TRMT11: variants seen among roughly 807,000 people sequenced by gnomAD.
TRMT11 encodes tRNA (guanine(10)-N(2))-methyltransferase TRMT11.
A neutral mutation model predicts 62.8 loss-of-function variants in TRMT11; 53 were observed. The ratio of observed to expected loss-of-function variants is 0.84; its 90% CI spans 0.68 to 1.06. TRMT11 has a LOEUF of 1.06. Ranked by LOEUF, TRMT11 falls within the 50% of genes least tolerant of loss-of-function variation. The pLI is 0.00. For missense variants in TRMT11, 556 were observed against 553.4 expected (o/e 1.00, Z -0.05); for synonymous variants, 188 against 190.3 (o/e 0.99, Z 0.10).
intron 17 of TRMT11, among the ~76,000 whole-genome samples, chr6:126,101,694 C>T (rs1379601633): frequency 6.6e-6 from 1 of 152,230 alleles, no homozygotes; most frequent in Non-Finnish European, 1.5e-5. Context: ...AATTTTCAGA[C>T]GTGGACAGCT....
At chr6:126,081,596 G>A (rs373440181) in intron 17 of TRMT11, among the ~76,000 whole-genome samples, 10 of 152,078 alleles carry the variant, frequency 6.6e-5, no homozygotes, top group African/African-American at 2.4e-4. Flanking sequence ...TAAGTTTCTG[G>A]ATCTAACACC....
chr6:126,088,952 G>C (rs1425206714), intron 17 of TRMT11, among the ~76,000 whole-genome samples: 1 of 152,106 alleles, frequency 6.6e-6, no homozygotes, highest in African/African-American at 2.4e-5. Context: ...GCTAATTCAA[G>C]AATGAGAATT....
intron 1 of TRMT11, chr6:126,198,701 G>A (rs1035973764): frequency 6.6e-6 from 1 of 152,208 alleles, no homozygotes; most frequent in East Asian, 1.9e-4. Flanking sequence ...TCCAGCAAAC[G>A]TGAGAATGTC....
At chr6:126,017,332 A>G (rs1259142845) in intron 11 of TRMT11, among the ~76,000 whole-genome samples, 2 of 152,354 alleles carry the variant, frequency 1.3e-5, no homozygotes, top group South Asian at 2.1e-4. Context: ...ATTGAAAAGT[A>G]TAAGACATAA....
the TRMT11 span, among the ~76,000 whole-genome samples, chr6:126,228,380 T>C: frequency 6.6e-6 from 1 of 152,162 alleles, no homozygotes; most frequent in Non-Finnish European, 1.5e-5. Context: ...TTAATAAAAG[T>C]TCCTGAGATG....
chr6:126,196,747 G>A (rs939999957), intron 1 of TRMT11, among the ~76,000 whole-genome samples: 27 of 152,002 alleles, frequency 1.8e-4, no homozygotes, highest in Admixed American at 3.9e-4. Flanking sequence ...GGAAGAAAAG[G>A]AATACCTATT....
At position 126,011,279 on chromosome 6, in the gene TRMT11, T is replaced by C; in HGVS notation, c.787T>C (p.Trp263Arg). ...LGKATRKNQK[W>R]RGPDENIRAN... is the part of the protein sequence containing the mutation. ...AAAGGCTACTAGGAAAAACCAGAAGTGGAGAGGACCAGATGAAAACATTAG... is the reference window on the plus strand; with the variant it reads ...AAAGGCTACTAGGAAAAACCAGAAGCGGAGAGGACCAGATGAAAACATTAG... The change falls in exon 9 of 13, where the codon TGG becomes CGG. Residue 263 changes from tryptophan (W) to arginine (R), a missense_variant. Trp to Arg is a moderately radical substitution (Grantham distance 101, BLOSUM62 -3). Transcript: ENST00000334379. The C allele has an allele frequency of 6.2e-7, 1 of 1,612,778 alleles. No individual in the cohort carries two copies. Among genetic ancestry groups the C allele is most frequent in the Non-Finnish European group, 8.5e-7 (1 of 1,179,362 alleles).
At chr6:126,253,227 A>G in the TRMT11 span, among the ~76,000 whole-genome samples, 1 of 152,200 alleles carries the variant, frequency 6.6e-6, no homozygotes, top group Non-Finnish European at 1.5e-5. Flanking sequence ...TCAGGATCAT[A>G]AATATCACTC....
intron 11 of TRMT11, among the ~76,000 whole-genome samples, chr6:126,018,718 G>T (rs1414615489): frequency 6.6e-6 from 1 of 151,902 alleles, no homozygotes; most frequent in Non-Finnish European, 1.5e-5. Flanking sequence ...AGATAACTTG[G>T]ATTGTAGGGG....
chr6:126,203,919 T>TTGTG (rs71680476), downstream of TRMT11, among the ~76,000 whole-genome samples: 11,253 of 144,410 alleles, frequency 0.078, 530 homozygotes, highest in East Asian at 0.16. Context: ...GATCATCATT[T>TTGTG]TGTGTGTGTG....
At chr6:126,078,553 G>A (rs187644566) in intron 17 of TRMT11, among the ~76,000 whole-genome samples, 7 of 152,100 alleles carry the variant, frequency 4.6e-5, no homozygotes, top group Admixed American at 3.9e-4. Context: ...CTGTTGTAAC[G>A]TCGTCCTTAC....
chr6:126,062,037 G>A (rs1439488485), intron 17 of TRMT11, among the ~76,000 whole-genome samples: 3 of 152,080 alleles, frequency 2.0e-5, no homozygotes, highest in South Asian at 4.1e-4. Context: ...ACGCTGCCAC[G>A]CTTGGCTAAT....
chr6:126,263,937 G>A, the TRMT11 span, among the ~76,000 whole-genome samples: 1 of 152,166 alleles, frequency 6.6e-6, no homozygotes, highest in African/African-American at 2.4e-5. Flanking sequence ...CAAATGAGAG[G>A]TCATTAATAT....
chr6:126,248,892 A>C, the TRMT11 span, among the ~76,000 whole-genome samples: 1 of 152,128 alleles, frequency 6.6e-6, no homozygotes, highest in Non-Finnish European at 1.5e-5. Flanking sequence ...ATTTCACTGC[A>C]ATTTTTACAT....
At chr6:126,128,377 A>G (rs1406831331) in intron 21 of TRMT11, among the ~76,000 whole-genome samples, 1 of 152,120 alleles carries the variant, frequency 6.6e-6, no homozygotes, top group East Asian at 1.9e-4. Context: ...AGAATATGCT[A>G]AATCTGGAAA....
intron 17 of TRMT11, among the ~76,000 whole-genome samples, chr6:126,110,204 G>C (rs565587626): frequency 2.6e-5 from 4 of 152,078 alleles, no homozygotes; most frequent in Non-Finnish European, 5.9e-5. Context: ...TGGCTTTTTT[G>C]GGGGGCATTT....
chr6:125,987,637 C>T (rs1016187976), intron 1 of TRMT11, among the ~76,000 whole-genome samples: 1 of 152,106 alleles, frequency 6.6e-6, no homozygotes, highest in Non-Finnish European at 1.5e-5. Flanking sequence ...TTAAGAAGGT[C>T]TGACCTAGGG....
the TRMT11 span, among the ~76,000 whole-genome samples, chr6:126,223,505 G>A: frequency 5.9e-5 from 9 of 152,308 alleles, no homozygotes; most frequent in East Asian, 1.5e-3. Context: ...CTTCAGACTT[G>A]TAAGGTTTGG....
chr6:126,017,345 G>A (rs1314422849), intron 11 of TRMT11, among the ~76,000 whole-genome samples: 1 of 152,124 alleles, frequency 6.6e-6, no homozygotes, highest in Non-Finnish European at 1.5e-5. Flanking sequence ...AGACATAAAA[G>A]CAAAATACTG....
Sources: gnomAD v4.1 joint callset for allele counts (sites outside exome capture counted in the v4.1 genomes callset) on GRCh38, gnomAD v4.1.1 for gene constraint, MANE v1.5 for transcripts, NCBI Gene and HGNC (gene_info 2026-07-23, HGNC 2026-07-21) for gene names.